Variants in TMC2 observed in about 807,000 individuals in gnomAD.
TMC2 encodes the protein transmembrane channel-like protein 2.
A neutral mutation model predicts 105.9 loss-of-function variants in TMC2; 102 were observed. The observed-to-expected ratio is 0.96, with a 90% CI of 0.82 to 1.14. The LOEUF is 1.14. Ranked by LOEUF, TMC2 falls within the 50% of genes most tolerant of loss-of-function variation. The pLI is 0.00. For missense variants in TMC2, 1,093 were observed against 1,134.3 expected, an observed-to-expected ratio of 0.96 and a Z score of 0.52; for synonymous variants, 402 against 422.8, an observed-to-expected ratio of 0.95 and a Z score of 0.60.
At chr20:2,599,526 T>C (rs2086334793) in intron 10 of TMC2, among the ~76,000 whole-genome samples, 1 of 150,082 alleles carries the variant, frequency 6.7e-6, no homozygotes, top group Non-Finnish European at 1.5e-5. Context: ...TCGTTTTTTT[T>C]TTCTTTAATT....
chr20:2,566,191 C>A (rs545874284), intron 4 of TMC2, among the ~76,000 whole-genome samples: 2 of 152,196 alleles, frequency 1.3e-5, no homozygotes, highest in African/African-American at 4.8e-5. Flanking sequence ...CCTCTCTGAG[C>A]CTAATAATTC....
At chr20:2,545,788 G>A (rs576783439) in intron 2 of TMC2, among the ~76,000 whole-genome samples, 2 of 135,894 alleles carry the variant, frequency 1.5e-5, no homozygotes, top group South Asian at 2.3e-4. Flanking sequence ...AGAAGAAGAC[G>A]AAGATGAAGA....
chr20:2,582,782 G>A (rs547034938), intron 7 of TMC2, among the ~76,000 whole-genome samples: 8 of 152,216 alleles, frequency 5.3e-5, no homozygotes, highest in South Asian at 2.1e-4. Context: ...GGCCTTGAAC[G>A]CAACTTTAAC....
chr20:2,565,029 C>T (rs192195059), intron 4 of TMC2, among the ~76,000 whole-genome samples: 2 of 152,346 alleles, frequency 1.3e-5, no homozygotes, highest in East Asian at 3.9e-4. Context: ...CCAAGTGCCT[C>T]CTCTGCAGGG....
intron 17 of TMC2, among the ~76,000 whole-genome samples, chr20:2,629,376 G>A (rs2086586827): frequency 6.6e-6 from 1 of 151,898 alleles, no homozygotes; most frequent in Admixed American, 6.6e-5. Flanking sequence ...TTTCAGTTAA[G>A]CACAGTACTG....
chr20:2,578,543 A>G (rs2086163799), intron 5 of TMC2, among the ~76,000 whole-genome samples: 1 of 152,188 alleles, frequency 6.6e-6, no homozygotes, highest in Admixed American at 6.5e-5. Flanking sequence ...TGTTTGGTAC[A>G]TAGTCTGGGT....
intron 7 of TMC2, among the ~76,000 whole-genome samples, chr20:2,580,412 A>G (rs927144249): frequency 6.6e-6 from 1 of 152,070 alleles, no homozygotes; most frequent in East Asian, 1.9e-4. Context: ...TGAATCTTAC[A>G]TTTTTCTACT....
At chr20:2,627,688 A>C (rs528322897) in intron 17 of TMC2, among the ~76,000 whole-genome samples, 1 of 152,302 alleles carries the variant, frequency 6.6e-6, no homozygotes, top group African/African-American at 2.4e-5. Flanking sequence ...CCCATGTCTT[A>C]AACTACAGTT....
In TMC2 at chr20:2,637,459, C is replaced by A. The variant is rs1254138044; in HGVS notation, c.2386-15C>A. On this transcript the variant is annotated splice_polypyrimidine_tract_variant and intron_variant, in intron 18 of 19. Coordinates refer to ENST00000358864, the MANE Select transcript of TMC2 (RefSeq NM_080751.3). Reference sequence around the variant, plus strand: ...ATTTCCTGGGCCAGGACCAACAGTTCATTATTTCCTGCAGCTCCGTGAAGT... The same window carrying A: ...ATTTCCTGGGCCAGGACCAACAGTTAATTATTTCCTGCAGCTCCGTGAAGT... The A allele has an allele frequency of 8.9e-6, 14 of 1,568,226 alleles. No individual in the cohort carries two copies. The highest frequency in any genetic ancestry group is 9.7e-6 in the Non-Finnish European group (11 of 1,139,000).
At chr20:2,573,706 GC>G (rs1432857755) in intron 5 of TMC2, among the ~76,000 whole-genome samples, 2 of 149,626 alleles carry the variant, frequency 1.3e-5, no homozygotes, top group Non-Finnish European at 3.0e-5. Context: ...GACTACAGGC[GC>G]CCGCCACCAC....
chr20:2,635,756 G>A (rs2086637533), intron 17 of TMC2, among the ~76,000 whole-genome samples, 170 bp from the exon 18 acceptor site: 1 of 152,222 alleles, frequency 6.6e-6, no homozygotes, highest in Non-Finnish European at 1.5e-5. Flanking sequence ...TAGAGAGGAT[G>A]CAGGGGCATC....
chr20:2,620,525 T>A (rs561990544), intron 16 of TMC2, among the ~76,000 whole-genome samples: 13 of 152,216 alleles, frequency 8.5e-5, no homozygotes, highest in Non-Finnish European at 1.2e-4. Flanking sequence ...CTCTCTTCTT[T>A]AACAGAGTAC....
At chr20:2,589,270 C>CTGTGTGTG (rs750496572) in intron 7 of TMC2, among the ~76,000 whole-genome samples, 4,229 of 115,936 alleles carry the variant, frequency 0.036, 172 homozygotes, top group African/African-American at 0.044. Flanking sequence ...CCTATTTGCC[C>CTGTGTGTG]TGTGTGTGTG....
chr20:2,615,941 A>AT (rs967136782), intron 14 of TMC2, among the ~76,000 whole-genome samples, 196 bp from the exon 15 acceptor site: 1 of 152,186 alleles, frequency 6.6e-6, no homozygotes, highest in Non-Finnish European at 1.5e-5. Flanking sequence ...AGAATGTCAA[A>AT]TTTTTTGTTT....
intron 11 of TMC2, among the ~76,000 whole-genome samples, chr20:2,606,217 A>G (rs181157221): frequency 6.6e-6 from 1 of 152,116 alleles, no homozygotes; most frequent in Non-Finnish European, 1.5e-5. Context: ...ACATCCTGGT[A>G]TTGGTCATTC....
intron 7 of TMC2, among the ~76,000 whole-genome samples, chr20:2,584,560 A>G (rs2086219592): frequency 6.6e-6 from 1 of 152,058 alleles, no homozygotes; most frequent in African/African-American, 2.4e-5. Flanking sequence ...CCCCAATTTT[A>G]TTACCTACGT....
chr20:2,602,387 A>T, intron 11 of TMC2, 86 bp downstream of exon 11: 2 of 1,025,312 alleles, frequency 2.0e-6, no homozygotes, highest in South Asian at 4.5e-5. Context: ...ATTTATCGAA[A>T]GTCTGGATTA....
chr20:2,576,658 A>G lies in TMC2; in HGVS notation c.646-2488A>G, dbSNP rs117707077. ...CCAGATGCTGGATTATTAACTTACAAGAAGAAATAAGTGATGCAAGATGGA... is the reference window on the plus strand; with the variant it reads ...CCAGATGCTGGATTATTAACTTACAGGAAGAAATAAGTGATGCAAGATGGA... On this transcript the variant is annotated intron_variant, in intron 5 of 19. Coordinates refer to ENST00000358864, the MANE Select transcript of TMC2 (RefSeq NM_080751.3). 2.0e-5 allele frequency among the ~76,000 whole-genome samples: 3 copies of G among 152,352 alleles called. No individual in the cohort carries two copies. In the East Asian group the frequency reaches 5.8e-4, roughly 29 times the overall value.
At position 2,558,573 on chromosome 20, in the gene TMC2, G is replaced by A; in HGVS notation, c.200G>A (p.Gly67Glu). 6.4e-7 allele frequency: 1 copy of A among 1,553,236 alleles called. No individual in the cohort carries two copies. Among genetic ancestry groups the A allele is most frequent in the Non-Finnish European group, 8.7e-7 (1 of 1,148,048 alleles). The change falls in exon 3 of 20, where the codon GGG (glycine) becomes GAG (glutamate). Residue 67 changes from glycine to glutamate, a missense_variant. Transcript: ENST00000358864. This position sits in a 1 kb window ranked among gnomAD's most constrained non-coding sequence, Gnocchi z 4.6. ...KERAGGSPSP[G>E]SPRRKQTGRR... ...CGCGCCGGGGGCAGCCCAAGCCCGG[G>A]GTCTCCCCGGAGGAAGCAAACAGGG...
Sources: allele counts gnomAD v4.1 joint callset (sites outside exome capture counted in the v4.1 genomes callset), GRCh38; gene constraint gnomAD v4.1.1; non-coding constraint Gnocchi (gnomAD v3.1); transcripts MANE v1.5; gene names NCBI Gene and HGNC (gene_info 2026-07-23, HGNC 2026-07-21).